Variants in CTTNBP2 observed in about 807,000 individuals in gnomAD.
CTTNBP2 encodes the protein cortactin-binding protein 2.
CTTNBP2 carries 108 observed loss-of-function variants against 156.9 expected under a neutral mutation model. The ratio of observed to expected loss-of-function variants is 0.69; its 90% CI spans 0.59 to 0.81. The LOEUF (loss-of-function observed/expected upper bound fraction) is 0.81, where lower values mean the gene tolerates loss of function less well. Among genes scored for constraint, CTTNBP2 ranks in the 30% least tolerant of loss-of-function variants. The pLI is 0.00. For synonymous variants in CTTNBP2, 767 were observed against 751.8 expected (o/e 1.02, Z -0.33); for missense variants, 1,924 against 2,035.4 (o/e 0.95, Z 1.05).
In CTTNBP2 at chr7:117,817,351, A is replaced by ATAAATAAAT. The variant is rs59278873; in HGVS notation, c.190-6363_190-6362insATTTATTTA. 1.1e-4 allele frequency among the ~76,000 whole-genome samples: 5 copies of ATAAATAAAT among 47,320 alleles called. 1 individual carries two copies. Among genetic ancestry groups the ATAAATAAAT allele is most frequent in the Admixed American group, 2.2e-4 (1 of 4,464 alleles). 31.0% of individuals were successfully genotyped at this position (47,320 alleles called of 152,430 possible). On this transcript the variant is annotated intron_variant, in intron 2 of 22. Coordinates refer to ENST00000160373, the MANE Select transcript of CTTNBP2 (RefSeq NM_033427.3). ...TCCATCTCAAAAAAAAAAAAAAAAAAAAAAAAAAAAATATATATATATATA... is the reference window on the plus strand; with the variant it reads ...TCCATCTCAAAAAAAAAAAAAAAAAATAAATAAATAAAAAAAAAAATATATATATATATA...
At position 117,787,122 on chromosome 7, in the gene CTTNBP2, T is replaced by C. The variant is rs532095183; in HGVS notation, c.2069-2668A>G. 3.9e-5 allele frequency among the ~76,000 whole-genome samples: 6 copies of C among 152,314 alleles called. No homozygotes were observed. The South Asian group carries it at 1.0e-3, about 26-fold the overall frequency. On this transcript the variant is annotated intron_variant, in intron 4 of 22. Coordinates refer to ENST00000160373, the MANE Select transcript of CTTNBP2 (RefSeq NM_033427.3). The stretch of plus-strand genomic sequence containing the variant: ...AAATCCTGCCTAAATATGGGAAAAA[T>C]AGGACTTCATCATGAGACTATACTG...
chr7:117,871,874 A>C lies in CTTNBP2; in HGVS notation c.81+1461T>G, dbSNP rs117662153. On this transcript the variant is annotated intron_variant, in intron 1 of 22. Coordinates refer to ENST00000160373, the MANE Select transcript of CTTNBP2 (RefSeq NM_033427.3). ...CACACACACACACACACACACACAC[A>C]CCCTCTTTCTTTTTCCTCGTCCTTC... 1.5e-3 allele frequency: 1,344 copies of C among 916,790 alleles called. 1 individual carries two copies. Among genetic ancestry groups the C allele is most frequent in the East Asian group, 0.011 (85 of 7,914 alleles). 56.8% of individuals were successfully genotyped at this position (916,790 alleles called of 1,614,324 possible).
chr7:117,734,788 T>C (rs751645451), intron 16 of CTTNBP2, 125 bp downstream of exon 16: 6 of 629,742 alleles, frequency 9.5e-6, no homozygotes, highest in Non-Finnish European at 1.5e-5. Context: ...TTTTGGCCCT[T>C]GAATGTCAAA....
In CTTNBP2 at chr7:117,766,970, T is replaced by G. The variant is rs763940; in HGVS notation, c.2896+89A>C. The G allele has an allele frequency of 2.1e-3, 1,610 of 780,590 alleles. 15 individuals carry two copies. Among genetic ancestry groups the G allele is most frequent in the East Asian group, 0.016 (649 of 40,724 alleles). 48.4% of individuals were successfully genotyped at this position (780,590 alleles called of 1,614,324 possible). A position where few individuals can be genotyped will look rare whatever the true frequency, so the allele number is the denominator to read the frequency against. On this transcript the variant is annotated intron_variant, in intron 9 of 22. Transcript: ENST00000160373. Reference sequence around the variant, plus strand: ...GGCTCCAAAAAGGTTAAAAAGGACATGCAAAAGATGTAAATAGTTTTTCCC... The same window carrying G: ...GGCTCCAAAAAGGTTAAAAAGGACAGGCAAAAGATGTAAATAGTTTTTCCC...
intron 16 of CTTNBP2, among the ~76,000 whole-genome samples, chr7:117,729,348 A>C (rs1795277240): frequency 6.6e-6 from 1 of 152,234 alleles, no homozygotes; most frequent in Non-Finnish European, 1.5e-5. Context: ...ATCGGACAGT[A>C]CATTAAAAAC....
At chr7:117,786,382 T>C (rs568869346) in intron 4 of CTTNBP2, 1 of 446,602 alleles carries the variant, frequency 2.2e-6, no homozygotes, top group South Asian at 1.7e-5. Context: ...TACTTCATAC[T>C]TACAAGAAGG....
At chr7:117,847,601 T>C (rs1802665954) in intron 2 of CTTNBP2, among the ~76,000 whole-genome samples, 3 of 152,218 alleles carry the variant, frequency 2.0e-5, no homozygotes, top group Non-Finnish European at 4.4e-5. Flanking sequence ...TTCAGGGCTA[T>C]AGAAAAATAT....
At position 117,791,224 on chromosome 7, in the gene CTTNBP2, T is replaced by A; in HGVS notation, c.1972A>T (p.Ile658Phe). The A allele has an allele frequency of 6.2e-7, 1 of 1,614,096 alleles. No individual in the cohort carries two copies. Among genetic ancestry groups the A allele is most frequent in the Non-Finnish European group, 8.5e-7 (1 of 1,180,020 alleles). The change falls in exon 4 of 23, where the codon ATT becomes TTT. Residue 658 changes from isoleucine (I) to phenylalanine (F), a missense_variant. Physicochemically the swap from Ile to Phe is conservative, Grantham distance 21. Coordinates refer to ENST00000160373, the MANE Select transcript of CTTNBP2 (RefSeq NM_033427.3). ...GAGCAAAAGGCAATGGTGGTAGGAA[T>A]GACAAGGGAACTGTCTGAACATGCA... ...QPACSDSSLV[I>F]PTTIAFCSSI...
At chr7:117,773,004 A>AT (rs1226631001) in intron 8 of CTTNBP2, among the ~76,000 whole-genome samples, 1 of 152,178 alleles carries the variant, frequency 6.6e-6, no homozygotes, top group Non-Finnish European at 1.5e-5. Flanking sequence ...TTCCAGAACA[A>AT]TTTTTTAAAA....
At position 117,815,977 on chromosome 7, in the gene CTTNBP2, T is replaced by A. The variant is rs188922254; in HGVS notation, c.190-4988A>T. Among the ~76,000 whole-genome samples the A allele has an allele frequency of 1.2e-4, 18 of 152,306 alleles. No homozygotes were observed. In the Middle Eastern group the frequency reaches 0.024, roughly 201 times the overall value. ...AAAACAGGTGCATAATGCATACTTG[T>A]TGACTGAATAAAGGTAGCATCTAAC... On this transcript the variant is annotated intron_variant, in intron 2 of 22. Coordinates refer to ENST00000160373, the MANE Select transcript of CTTNBP2 (RefSeq NM_033427.3).
intron 2 of CTTNBP2, among the ~76,000 whole-genome samples, chr7:117,817,468 A>G (rs963643616): frequency 1.4e-5 from 2 of 147,992 alleles, no homozygotes; most frequent in Non-Finnish European, 3.0e-5. Flanking sequence ...CATTATTACC[A>G]GAGGGTTTCA....
At chr7:117,865,440 T>C (rs968192197) in intron 1 of CTTNBP2, among the ~76,000 whole-genome samples, 2 of 151,310 alleles carry the variant, frequency 1.3e-5, no homozygotes, top group African/African-American at 4.8e-5. Context: ...GCCGGCAGAT[T>C]GCCTGAGCTC....
intron 12 of CTTNBP2, among the ~76,000 whole-genome samples, chr7:117,750,064 T>C (rs1368109818): frequency 2.6e-5 from 4 of 152,252 alleles, no homozygotes; most frequent in East Asian, 1.9e-4. Flanking sequence ...TGAAACAGGA[T>C]ACCAATTTTT....
At chr7:117,754,202 C>G (rs1386067695) in intron 12 of CTTNBP2, among the ~76,000 whole-genome samples, 3 of 152,206 alleles carry the variant, frequency 2.0e-5, no homozygotes, top group Non-Finnish European at 4.4e-5. Flanking sequence ...CAAGGCGACT[C>G]TCTTCATTTC....
At chr7:117,800,501 C>T (rs1799551782) in intron 3 of CTTNBP2, among the ~76,000 whole-genome samples, 1 of 152,084 alleles carries the variant, frequency 6.6e-6, no homozygotes, top group Admixed American at 6.5e-5. Flanking sequence ...ATTGTACTTC[C>T]TGTAAACTTT....
In CTTNBP2 at chr7:117,845,511, TA is replaced by T. The variant is rs375508080; in HGVS notation, c.189+15697del. 3.8e-3 allele frequency among the ~76,000 whole-genome samples: 582 copies of T among 152,070 alleles called. 10 individuals are homozygous for T. The East Asian group carries it at 0.047, about 12-fold the overall frequency. On this transcript the variant is annotated intron_variant, in intron 2 of 22. Coordinates refer to ENST00000160373, the MANE Select transcript of CTTNBP2 (RefSeq NM_033427.3). ...GAAGAGCATTTATTACATTAATAATTAAAAAAAAGGATATCTTAAATAGCAC... is the reference window on the plus strand; with the variant it reads ...GAAGAGCATTTATTACATTAATAATTAAAAAAAGGATATCTTAAATAGCAC...
At chr7:117,719,829 GA>G (rs1376926247) in intron 20 of CTTNBP2, among the ~76,000 whole-genome samples, 193 bp from the exon 21 acceptor site, 1 of 152,156 alleles carries the variant, frequency 6.6e-6, no homozygotes, top group African/African-American at 2.4e-5. Context: ...CAAAATTCTT[GA>G]GAGGATAAAA....
intron 3 of CTTNBP2, among the ~76,000 whole-genome samples, chr7:117,800,426 A>G (rs1291827633): frequency 6.6e-6 from 1 of 151,946 alleles, no homozygotes; most frequent in Non-Finnish European, 1.5e-5. Context: ...GGGGTGGGGG[A>G]TGCACAGATT....
chr7:117,772,069 A>T (rs1482341669), intron 8 of CTTNBP2, among the ~76,000 whole-genome samples: 3 of 152,172 alleles, frequency 2.0e-5, no homozygotes, highest in Non-Finnish European at 4.4e-5. Flanking sequence ...TCAGGAAGGG[A>T]CTTGACCGTC....
Sources: gnomAD v4.1 joint callset for allele counts (sites outside exome capture counted in the v4.1 genomes callset) on GRCh38, gnomAD v4.1.1 for gene constraint, MANE v1.5 for transcripts, NCBI Gene and HGNC (gene_info 2026-07-23, HGNC 2026-07-21) for gene names.